The following USP47 variants were observed in gnomAD, a reference collection of about 807,000 sequenced individuals.
USP47 encodes the protein ubiquitin specific peptidase 47, also known as ubiquitin carboxyl-terminal hydrolase 47.
In USP47, 35 loss-of-function variants were observed where a neutral mutation model predicts 165.1. The ratio of observed to expected loss-of-function variants is 0.21; its 90% CI spans 0.16 to 0.28. The LOEUF (loss-of-function observed/expected upper bound fraction) is 0.28. Among genes scored for constraint, USP47 ranks in the 10% least tolerant of loss-of-function variants. The pLI is 1.00. For missense variants in USP47, 1,277 were observed against 1,607.4 expected (o/e 0.79, Z 3.52); for synonymous variants, 531 against 544.5 (o/e 0.98, Z 0.35).
chr11:11,892,564 C>CT (rs1212653803), intron 4 of USP47, among the ~76,000 whole-genome samples: 2 of 151,078 alleles, frequency 1.3e-5, no homozygotes, highest in East Asian at 3.9e-4. Context: ...AATCCCAGCA[C>CT]TTTGGGAAGG....
chr11:11,952,680 A>G (rs546177467), intron 24 of USP47, 61 bp from the exon 25 acceptor site: 10 of 1,445,650 alleles, frequency 6.9e-6, no homozygotes, highest in South Asian at 3.1e-5. Flanking sequence ...CACTAAGGGA[A>G]AAGTCAAATT....
chr11:11,901,276 C>G (rs1424122701), intron 5 of USP47, among the ~76,000 whole-genome samples: 1 of 152,226 alleles, frequency 6.6e-6, no homozygotes, highest in East Asian at 1.9e-4. Context: ...CTGTAAAGTG[C>G]ATCAGAGAAA....
Position 11,956,487 on chromosome 11 carries a change from C to T in USP47, c.*312C>T, listed in dbSNP as rs1485387029. ...GGGAATGAGTAAACTTCTTTTATTGCGGACAAATGTGCACATAGCCGCTAG... is the reference window on the plus strand; with the variant it reads ...GGGAATGAGTAAACTTCTTTTATTGTGGACAAATGTGCACATAGCCGCTAG... On this transcript the variant is annotated 3_prime_UTR_variant, in exon 28 of 28. Transcript: ENST00000527733. 1.9e-5 allele frequency: 4 copies of T among 212,664 alleles called. No individual in the cohort carries two copies. Among genetic ancestry groups the T allele is most frequent in the Non-Finnish European group, 3.8e-5 (4 of 106,554 alleles). 13.2% of individuals were successfully genotyped at this position (212,664 alleles called of 1,614,324 possible).
At chr11:11,873,700 A>G in intron 1 of USP47, 1 of 582,890 alleles carries the variant, frequency 1.7e-6, no homozygotes, top group East Asian at 3.5e-5. Flanking sequence ...TACATATTTT[A>G]TTGCAAAAAT....
intron 1 of USP47, among the ~76,000 whole-genome samples, chr11:11,852,338 T>G (rs73411064): frequency 0.025 from 3,760 of 152,282 alleles, 146 homozygotes; most frequent in African/African-American, 0.086. Context: ...AGTATGGACT[T>G]ATGGATATTT....
chr11:11,938,161 T>C, intron 17 of USP47, 96 bp from the exon 18 acceptor site: 2 of 1,002,222 alleles, frequency 2.0e-6, no homozygotes, highest in East Asian at 2.5e-5. Flanking sequence ...AGTTTGGATT[T>C]GTCACCTGTT....
chr11:11,936,234 TTA>T (rs1855055442), intron 16 of USP47, 67 bp from the exon 17 acceptor site: 1 of 803,000 alleles, frequency 1.2e-6, no homozygotes, highest in African/African-American at 1.8e-5. Flanking sequence ...CACTGTGTAT[TTA>T]TATATGTATA....
intron 24 of USP47, chr11:11,951,555 T>C (rs1856226563): frequency 6.6e-6 from 1 of 152,220 alleles, no homozygotes; most frequent in African/African-American, 2.4e-5. Context: ...ACTAGTTCTA[T>C]ATTCTTTTTT....
intron 4 of USP47, among the ~76,000 whole-genome samples, chr11:11,894,273 T>C (rs904191762): frequency 2.6e-5 from 4 of 152,066 alleles, no homozygotes; most frequent in Non-Finnish European, 5.9e-5. Context: ...CTGGCTAACA[T>C]GGTGAAACCC....
chr11:11,881,668 A>G (rs764021955), intron 2 of USP47, among the ~76,000 whole-genome samples: 1 of 152,096 alleles, frequency 6.6e-6, no homozygotes, highest in Non-Finnish European at 1.5e-5. Flanking sequence ...GATTATTGGT[A>G]GACATCTTCT....
intron 8 of USP47, among the ~76,000 whole-genome samples, chr11:11,914,224 G>A (rs1356026261): frequency 2.0e-5 from 3 of 151,918 alleles, no homozygotes; most frequent in Non-Finnish European, 4.4e-5. Flanking sequence ...GATCCGTGGA[G>A]TAGAATAGAA....
intron 1 of USP47, among the ~76,000 whole-genome samples, chr11:11,876,013 T>TA (rs1285239205): frequency 6.6e-5 from 10 of 152,232 alleles, no homozygotes; most frequent in African/African-American, 2.4e-4. Flanking sequence ...ATACAGTAAA[T>TA]ATAACTGCTG....
chr11:11,953,998 C>T (rs143976252), intron 25 of USP47, among the ~76,000 whole-genome samples: 2,847 of 152,116 alleles, frequency 0.019, 65 homozygotes, highest in African/African-American at 0.055. Context: ...TCCTGTAATC[C>T]CAGCACTTTG....
chr11:11,865,875 G>T (rs1184132782), intron 1 of USP47, among the ~76,000 whole-genome samples: 1 of 151,780 alleles, frequency 6.6e-6, no homozygotes, highest in African/African-American at 2.4e-5. Flanking sequence ...AGGGTGTTAG[G>T]GTTTTTCTGT....
At chr11:11,933,574 G>A (rs1347398045) in intron 15 of USP47, among the ~76,000 whole-genome samples, 1 of 152,014 alleles carries the variant, frequency 6.6e-6, no homozygotes, top group Non-Finnish European at 1.5e-5. Context: ...ATGTATATTG[G>A]TAGGGGAATG....
chr11:11,887,228 T>C (rs1851218923), intron 3 of USP47, among the ~76,000 whole-genome samples: 1 of 151,964 alleles, frequency 6.6e-6, no homozygotes, highest in Non-Finnish European at 1.5e-5. Flanking sequence ...GCACATAATA[T>C]TACTAACCTT....
chr11:11,897,711 T>C lies in USP47; in HGVS notation c.593+18T>C, dbSNP rs754948994. On this transcript the variant is annotated intron_variant, in intron 5 of 27. Coordinates refer to ENST00000527733, the MANE Select transcript of USP47 (RefSeq NM_001282659.2). Reference sequence around the variant, plus strand: ...TTATATAAGTGAGTATTCAAAAAAATTGTATACATAAAATTGATTTAAGAA... The same window carrying C: ...TTATATAAGTGAGTATTCAAAAAAACTGTATACATAAAATTGATTTAAGAA... The C allele has an allele frequency of 1.3e-6, 2 of 1,483,746 alleles. No homozygotes were observed. The highest frequency in any genetic ancestry group is 1.2e-5 in the South Asian group (1 of 81,250). 91.9% of individuals were successfully genotyped at this position (1,483,746 alleles called of 1,614,324 possible). A position where few individuals can be genotyped will look rare whatever the true frequency, so the allele number is the denominator to read the frequency against.
At chr11:11,868,004 G>A (rs1849791439) in intron 1 of USP47, among the ~76,000 whole-genome samples, 1 of 152,136 alleles carries the variant, frequency 6.6e-6, no homozygotes, top group South Asian at 2.1e-4. Context: ...TTTTAAACAG[G>A]CAGTCCTCTT....
At chr11:11,861,327 C>G (rs1220012488) in intron 1 of USP47, among the ~76,000 whole-genome samples, 1 of 152,056 alleles carries the variant, frequency 6.6e-6, no homozygotes, top group African/African-American at 2.4e-5. Context: ...AACTCCTGAC[C>G]TCGGGTGATT....
Sources: gnomAD v4.1 joint callset for allele counts (sites outside exome capture counted in the v4.1 genomes callset) on GRCh38, gnomAD v4.1.1 for gene constraint, MANE v1.5 for transcripts, NCBI Gene and HGNC (gene_info 2026-07-23, HGNC 2026-07-21) for gene names.